NUBPL: variants seen among roughly 807,000 people sequenced by gnomAD.
The protein encoded by NUBPL is iron-sulfur cluster transfer protein NUBPL.
In NUBPL, 31 loss-of-function variants were observed where a neutral mutation model predicts 45.7. The observed-to-expected ratio is 0.68, with a 90% CI of 0.51 to 0.92. The LOEUF (loss-of-function observed/expected upper bound fraction) is 0.92, where lower values mean the gene tolerates loss of function less well. NUBPL is among the 40% of genes least tolerant of loss of function. NUBPL has a pLI of 0.00. For missense variants in NUBPL, 401 were observed against 398.7 expected, an observed-to-expected ratio of 1.01 and a Z score of -0.05; for synonymous variants, 144 against 140.9, an observed-to-expected ratio of 1.02 and a Z score of -0.15.
At chr14:31,824,811 A>G (rs1298083712) in intron 7 of NUBPL, among the ~76,000 whole-genome samples, 1 of 152,124 alleles carries the variant, frequency 6.6e-6, no homozygotes, top group African/African-American at 2.4e-5. Context: ...CTTGATACCA[A>G]TTTAACAGTT....
chr14:31,657,554 G>T (rs991237772), intron 4 of NUBPL, among the ~76,000 whole-genome samples: 1 of 152,016 alleles, frequency 6.6e-6, no homozygotes, highest in East Asian at 1.9e-4. Context: ...TTTTATGCAG[G>T]CAGTCATAAT....
chr14:31,630,424 A>C lies in NUBPL; in HGVS notation c.382+31045A>C, dbSNP rs185834472. ...AGTCCTGGGGGATATTGATTAGGCT[A>C]GGCTAATCAGTGAATGCCATTAGTT... On this transcript the variant is annotated intron_variant, in intron 4 of 10. Coordinates refer to ENST00000281081, the MANE Select transcript of NUBPL (RefSeq NM_025152.3). Among the ~76,000 whole-genome samples the C allele has an allele frequency of 5.3e-5, 8 of 152,314 alleles. No homozygotes were observed. In the East Asian group the frequency reaches 1.5e-3, roughly 29 times the overall value.
intron 4 of NUBPL, among the ~76,000 whole-genome samples, chr14:31,667,198 G>C (rs1294201652): frequency 1.3e-5 from 2 of 152,016 alleles, no homozygotes; most frequent in Non-Finnish European, 2.9e-5. Flanking sequence ...ATCAATCGTA[G>C]GTTTGGTCTT....
At chr14:31,582,264 A>G (rs1216587595) in intron 3 of NUBPL, among the ~76,000 whole-genome samples, 1 of 151,966 alleles carries the variant, frequency 6.6e-6, no homozygotes, top group Non-Finnish European at 1.5e-5. Context: ...TATAAAATTA[A>G]TAGATAATAG....
intron 7 of NUBPL, among the ~76,000 whole-genome samples, chr14:31,824,361 A>G (rs1357170357): frequency 2.0e-5 from 3 of 152,162 alleles, no homozygotes; most frequent in African/African-American, 7.2e-5. Flanking sequence ...CTCCTTCTAA[A>G]GGAAAGATAA....
intron 4 of NUBPL, among the ~76,000 whole-genome samples, chr14:31,661,367 C>T (rs1203882773): frequency 1.3e-5 from 2 of 152,070 alleles, no homozygotes; most frequent in African/African-American, 4.8e-5. Flanking sequence ...CTTGTTAGTA[C>T]GTTGTAAGTT....
intron 4 of NUBPL, among the ~76,000 whole-genome samples, chr14:31,632,727 G>A (rs143442522): frequency 6.6e-6 from 1 of 152,306 alleles, no homozygotes; most frequent in East Asian, 1.9e-4. Context: ...AGCAGATGCT[G>A]TTATTTTATT....
intron 8 of NUBPL, among the ~76,000 whole-genome samples, chr14:31,835,035 G>A (rs2040259892): frequency 6.6e-6 from 1 of 152,046 alleles, no homozygotes; most frequent in South Asian, 2.1e-4. Flanking sequence ...TGAAGCCAGA[G>A]GAAACTGGTG....
chr14:31,676,173 G>A (rs1057179223), intron 6 of NUBPL, among the ~76,000 whole-genome samples: 5 of 151,982 alleles, frequency 3.3e-5, no homozygotes, highest in East Asian at 1.9e-4. Flanking sequence ...CAAGGCATGC[G>A]CCACCACGCC....
chr14:31,756,132 A>G (rs374939729), intron 6 of NUBPL, among the ~76,000 whole-genome samples: 68 of 151,976 alleles, frequency 4.5e-4, no homozygotes, highest in Middle Eastern at 3.4e-3. Context: ...GTCAGGTAGC[A>G]TGATGCCTCC....
intron 8 of NUBPL, among the ~76,000 whole-genome samples, chr14:31,831,955 T>G (rs2040200723): frequency 1.3e-5 from 2 of 152,322 alleles, no homozygotes; most frequent in South Asian, 4.1e-4. Flanking sequence ...TCAAAGTTAT[T>G]CATGCTGCAG....
chr14:31,837,703 A>G (rs2040304093), intron 8 of NUBPL, among the ~76,000 whole-genome samples: 1 of 152,238 alleles, frequency 6.6e-6, no homozygotes, highest in Non-Finnish European at 1.5e-5. Context: ...TAAGGGGAAG[A>G]AGACATATAA....
intron 6 of NUBPL, chr14:31,771,744 A>G (rs1270483054): frequency 3.9e-6 from 1 of 256,818 alleles, no homozygotes; most frequent in Non-Finnish European, 6.1e-6. Flanking sequence ...TCAGCCTTAT[A>G]ATAGGCTCTC....
chr14:31,831,948 A>G (rs1194575040), intron 8 of NUBPL, among the ~76,000 whole-genome samples: 2 of 152,224 alleles, frequency 1.3e-5, no homozygotes, highest in African/African-American at 4.8e-5. Flanking sequence ...GCAATGATCA[A>G]AGTTATTCAT....
In NUBPL at chr14:31,566,809, A is replaced by T. The variant is rs185347344; in HGVS notation, c.291+1761A>T. On this transcript the variant is annotated intron_variant, in intron 3 of 10. Transcript: ENST00000281081. Reference sequence around the variant, plus strand: ...GTCAGAGTGACTTGATAAGAGAAGGATTCAATCCACCATTGCTGGCCTTGA... The same window carrying T: ...GTCAGAGTGACTTGATAAGAGAAGGTTTCAATCCACCATTGCTGGCCTTGA... Among the ~76,000 whole-genome samples, 170 of 152,260 alleles carry T rather than the reference A, an allele frequency of 1.1e-3. 2 individuals carry two copies. In the Middle Eastern group the frequency reaches 0.024, roughly 21 times the overall value.
chr14:31,762,543 T>A (rs2038834026), intron 6 of NUBPL, among the ~76,000 whole-genome samples: 1 of 152,198 alleles, frequency 6.6e-6, no homozygotes, highest in Admixed American at 6.5e-5. Flanking sequence ...TGCTTCATAT[T>A]TATGTGAATG....
At chr14:31,799,724 C>G (rs2039548095) in intron 7 of NUBPL, among the ~76,000 whole-genome samples, 1 of 152,214 alleles carries the variant, frequency 6.6e-6, no homozygotes, top group African/African-American at 2.4e-5. Flanking sequence ...TCAGGTCATG[C>G]TCTTTTTGCT....
intron 7 of NUBPL, among the ~76,000 whole-genome samples, chr14:31,825,624 CT>C (rs2040085199): frequency 7.3e-6 from 1 of 136,690 alleles, no homozygotes; most frequent in African/African-American, 3.0e-5. Context: ...TCTTCTCCTC[CT>C]CCTCCTCCTC....
chr14:31,644,004 C>T (rs1178093271), intron 4 of NUBPL, among the ~76,000 whole-genome samples: 1 of 151,754 alleles, frequency 6.6e-6, no homozygotes, highest in Non-Finnish European at 1.5e-5. Context: ...TTTATAGTTT[C>T]TGATTTTATT....
Sources: gnomAD v4.1 joint callset for allele counts (sites outside exome capture counted in the v4.1 genomes callset) on GRCh38, gnomAD v4.1.1 for gene constraint, MANE v1.5 for transcripts, NCBI Gene and HGNC (gene_info 2026-07-23, HGNC 2026-07-21) for gene names.